CPNE4: variants seen among roughly 807,000 people sequenced by gnomAD.
The protein encoded by CPNE4 is copine 4.
In CPNE4, 25 loss-of-function variants were observed where a neutral mutation model predicts 67.9. The ratio of observed to expected loss-of-function variants is 0.37; its 90% CI spans 0.27 to 0.51. The LOEUF is 0.51. CPNE4 is among the 20% of genes least tolerant of loss of function. The pLI, the probability that CPNE4 is intolerant of heterozygous loss-of-function variation, is 0.93. For synonymous variants in CPNE4, 242 were observed against 244.9 expected, an observed-to-expected ratio of 0.99 and a Z score of 0.11; for missense variants, 464 against 690.8, an observed-to-expected ratio of 0.67 and a Z score of 3.68.
intron 3 of CPNE4, among the ~76,000 whole-genome samples, chr3:131,700,970 GATTCT>G (rs1560141110): frequency 6.6e-6 from 1 of 151,590 alleles, no homozygotes; most frequent in Non-Finnish European, 1.5e-5. Flanking sequence ...TGGAAACCAT[GATTCT>G]CAGCAAACTA....
chr3:131,566,805 T>C (rs1937079549), intron 10 of CPNE4, among the ~76,000 whole-genome samples: 1 of 151,962 alleles, frequency 6.6e-6, no homozygotes, highest in African/African-American at 2.4e-5. Context: ...GTAAAAGTAA[T>C]GCTGGGAAGG....
intron 7 of CPNE4, among the ~76,000 whole-genome samples, chr3:131,608,111 T>C (rs530694601): frequency 6.6e-6 from 1 of 152,340 alleles, no homozygotes; most frequent in South Asian, 2.1e-4. Flanking sequence ...ATTAGTGTCT[T>C]GTGAAAGAAG....
At chr3:131,946,978 G>C (rs767539029) in intron 1 of CPNE4, among the ~76,000 whole-genome samples, 1 of 152,126 alleles carries the variant, frequency 6.6e-6, no homozygotes, top group African/African-American at 2.4e-5. Context: ...CCCACGGAAA[G>C]GTCTTGGAAC....
intron 2 of CPNE4, among the ~76,000 whole-genome samples, chr3:131,813,835 A>G (rs16837861): frequency 5.3e-5 from 8 of 152,176 alleles, no homozygotes; most frequent in African/African-American, 1.9e-4. Flanking sequence ...CCAAGATCCA[A>G]TATGCTTAAT....
chr3:131,580,560 C>CA (rs1937761981), intron 9 of CPNE4, among the ~76,000 whole-genome samples: 1 of 152,018 alleles, frequency 6.6e-6, no homozygotes, highest in African/African-American at 2.4e-5. Flanking sequence ...ATGGAGGAGT[C>CA]AGAGACACGT....
chr3:131,656,940 G>C (rs1465293951), intron 7 of CPNE4, among the ~76,000 whole-genome samples: 1 of 152,134 alleles, frequency 6.6e-6, no homozygotes, highest in Non-Finnish European at 1.5e-5. Context: ...GGATCTTCTA[G>C]AAATGTGAAC....
chr3:131,953,670 A>G (rs987844646), intron 1 of CPNE4, among the ~76,000 whole-genome samples: 1 of 152,204 alleles, frequency 6.6e-6, no homozygotes, highest in African/African-American at 2.4e-5. Flanking sequence ...CAAATATCAC[A>G]TGTTCTCATT....
intron 2 of CPNE4, among the ~76,000 whole-genome samples, chr3:131,744,296 A>G (rs1476400013): frequency 6.6e-6 from 1 of 152,152 alleles, no homozygotes; most frequent in Non-Finnish European, 1.5e-5. Context: ...AATAATAAGT[A>G]CTCAGAGAGG....
intron 2 of CPNE4, among the ~76,000 whole-genome samples, chr3:131,822,110 C>T (rs2084982973): frequency 6.6e-6 from 1 of 152,048 alleles, no homozygotes; most frequent in Non-Finnish European, 1.5e-5. Flanking sequence ...ACTGGATTTA[C>T]AAAACAGAGT....
chr3:131,844,486 T>G (rs954669096), intron 2 of CPNE4, among the ~76,000 whole-genome samples: 3 of 152,076 alleles, frequency 2.0e-5, no homozygotes, highest in African/African-American at 7.2e-5. Context: ...CAAACTGGCC[T>G]CGAACTCCTG....
At chr3:131,976,581 G>C (rs1275872543) in intron 1 of CPNE4, among the ~76,000 whole-genome samples, 1 of 152,054 alleles carries the variant, frequency 6.6e-6, no homozygotes, top group Non-Finnish European at 1.5e-5. Context: ...CAACACACAA[G>C]AGGAAAAGCA....
intron 2 of CPNE4, among the ~76,000 whole-genome samples, chr3:131,792,668 TATAC>T (rs1212412580): frequency 7.2e-5 from 5 of 69,868 alleles, no homozygotes; most frequent in African/African-American, 2.8e-4. Context: ...CACGTGTATA[TATAC>T]ATATATACAC....
upstream of CPNE4, chr3:132,039,542 A>C (rs535894733): frequency 6.6e-6 from 1 of 152,322 alleles, no homozygotes; most frequent in African/African-American, 2.4e-5. Context: ...ACTTTCTATT[A>C]ATGACTGAAA....
At chr3:132,036,828 C>T (rs2074347785), upstream of CPNE4, among the ~76,000 whole-genome samples, 1 of 152,166 alleles carries the variant, frequency 6.6e-6, no homozygotes, top group Non-Finnish European at 1.5e-5. Context: ...TCAACATAAA[C>T]TTCTTATATT....
chr3:131,577,104 G>C (rs1190708704), intron 9 of CPNE4, among the ~76,000 whole-genome samples: 1 of 152,058 alleles, frequency 6.6e-6, no homozygotes, highest in Non-Finnish European at 1.5e-5. Flanking sequence ...ACAATGGCCA[G>C]TCATAAGACA....
intron 2 of CPNE4, among the ~76,000 whole-genome samples, chr3:131,849,070 A>T (rs1315160642): frequency 6.6e-6 from 1 of 150,532 alleles, no homozygotes; most frequent in African/African-American, 2.4e-5. Flanking sequence ...GAACCCTTTG[A>T]TTACAATCCT....
intron 2 of CPNE4, among the ~76,000 whole-genome samples, chr3:131,866,509 T>A (rs539720023): frequency 1.3e-5 from 2 of 152,320 alleles, no homozygotes; most frequent in East Asian, 3.9e-4. Flanking sequence ...TCAGGTTTGC[T>A]CAGGCTTGTT....
chr3:131,535,066 C>T lies in CPNE4; in HGVS notation c.*129G>A, dbSNP rs1935057016. On this transcript the variant is annotated 3_prime_UTR_variant, in exon 16 of 16. Transcript: ENST00000429747. ...AAAAAATTGTCAGATAGTTAAAAAT[C>T]ACCAAAACGTGCTATTTTTAAATGT... 2.0e-6 allele frequency: 2 copies of T among 998,088 alleles called. No homozygotes were observed. Among genetic ancestry groups the T allele is most frequent in the Non-Finnish European group, 2.8e-6 (2 of 716,576 alleles). The allele number at this position is 998,088 out of a possible 1,614,324, so 61.8% of individuals were successfully genotyped here. A position where few individuals can be genotyped will look rare whatever the true frequency, so the allele number is the denominator to read the frequency against.
At chr3:131,921,412 A>G (rs1314090269) in intron 1 of CPNE4, among the ~76,000 whole-genome samples, 1 of 152,212 alleles carries the variant, frequency 6.6e-6, no homozygotes, top group Non-Finnish European at 1.5e-5. Flanking sequence ...CCTAGCGCCT[A>G]CCATATGCCC....
Sources: allele counts gnomAD v4.1 joint callset (sites outside exome capture counted in the v4.1 genomes callset), GRCh38; gene constraint gnomAD v4.1.1; transcripts MANE v1.5; gene names NCBI Gene and HGNC (gene_info 2026-07-23, HGNC 2026-07-21).